The following BMAL2 variants were observed in gnomAD, a reference collection of about 807,000 sequenced individuals.
BMAL2 encodes the protein basic helix-loop-helix ARNT like 2.
chr12:27,402,604 T>A, the BMAL2 span: 12 of 1,602,584 alleles, frequency 7.5e-6, no homozygotes, highest in African/African-American at 1.3e-5. Context: ...TCACCTATGG[T>A]GTTTTTAATT....
At chr12:27,412,850 A>G in the BMAL2 span, among the ~76,000 whole-genome samples, 1 of 152,198 alleles carries the variant, frequency 6.6e-6, no homozygotes, top group African/African-American at 2.4e-5. Context: ...TCAAATTCTC[A>G]AAAGTCAAAG....
chr12:27,333,280 C>T, the BMAL2 span: 5 of 618,010 alleles, frequency 8.1e-6, no homozygotes, highest in South Asian at 8.2e-5. Flanking sequence ...CCCCGTGGGG[C>T]ACAGGTGCGG....
the BMAL2 span, chr12:27,416,098 G>A: frequency 1.7e-6 from 1 of 589,820 alleles, no homozygotes; most frequent in African/African-American, 1.9e-5. Context: ...TGGCGTTGTG[G>A]AATAGTAGTT....
chr12:27,405,348 C>T, the BMAL2 span, among the ~76,000 whole-genome samples: 17 of 152,240 alleles, frequency 1.1e-4, no homozygotes, highest in Non-Finnish European at 2.2e-4. Flanking sequence ...AGGCACCCCC[C>T]AGTAGGGGAA....
At chr12:27,412,340 A>G in the BMAL2 span, among the ~76,000 whole-genome samples, 1 of 152,190 alleles carries the variant, frequency 6.6e-6, no homozygotes, top group Non-Finnish European at 1.5e-5. Context: ...CAATTGAGAG[A>G]GGAATTGAGT....
the BMAL2 span, among the ~76,000 whole-genome samples, chr12:27,369,302 G>C: frequency 3.3e-5 from 5 of 151,702 alleles, no homozygotes; most frequent in Non-Finnish European, 5.9e-5. Context: ...TTTTTGGTGG[G>C]GGGGGTGGTA....
At chr12:27,338,365 A>T in the BMAL2 span, among the ~76,000 whole-genome samples, 2 of 152,092 alleles carry the variant, frequency 1.3e-5, no homozygotes, top group Non-Finnish European at 2.9e-5. Context: ...CCTCCCCCAC[A>T]GTTGGGAGAA....
At chr12:27,376,290 A>G in the BMAL2 span, 1 of 1,455,660 alleles carries the variant, frequency 6.9e-7, no homozygotes, top group Non-Finnish European at 9.6e-7. Context: ...TTCTCTATCA[A>G]GAACTACAGA....
At chr12:27,405,052 G>C in the BMAL2 span, among the ~76,000 whole-genome samples, 5 of 152,200 alleles carry the variant, frequency 3.3e-5, no homozygotes, top group African/African-American at 1.2e-4. Flanking sequence ...GGCTGGGGGA[G>C]GGGTGCCCAC....
the BMAL2 span, among the ~76,000 whole-genome samples, chr12:27,378,182 A>G: frequency 6.6e-6 from 1 of 152,168 alleles, no homozygotes; most frequent in African/African-American, 2.4e-5. Context: ...TTTCTCCTCT[A>G]CGTTTTATCT....
chr12:27,384,141 C>T, the BMAL2 span, among the ~76,000 whole-genome samples: 1 of 152,156 alleles, frequency 6.6e-6, no homozygotes, highest in African/African-American at 2.4e-5. Flanking sequence ...ATCATCCTTG[C>T]CCTGGGGATG....
the BMAL2 span, among the ~76,000 whole-genome samples, chr12:27,408,131 C>T: frequency 6.6e-6 from 1 of 152,050 alleles, no homozygotes; most frequent in Non-Finnish European, 1.5e-5. Context: ...AGTCCAGGAC[C>T]AGATGGATTC....
chr12:27,418,977 T>TGA, the BMAL2 span, among the ~76,000 whole-genome samples: 2 of 147,556 alleles, frequency 1.4e-5, no homozygotes, highest in Admixed American at 6.7e-5. Context: ...AGACTCCATC[T>TGA]AAAAAAAAAA....
the BMAL2 span, among the ~76,000 whole-genome samples, chr12:27,362,570 C>G: frequency 1.3e-5 from 2 of 152,030 alleles, no homozygotes; most frequent in African/African-American, 4.8e-5. Context: ...GTCACACCCC[C>G]CTTTCTTTTC....
At chr12:27,345,374 T>A in the BMAL2 span, among the ~76,000 whole-genome samples, 28 of 152,380 alleles carry the variant, frequency 1.8e-4, no homozygotes, top group South Asian at 4.3e-3. Context: ...CTGTTTTTTT[T>A]ATTTTCTTTT....
chr12:27,365,866 T>G, the BMAL2 span, among the ~76,000 whole-genome samples: 1 of 151,852 alleles, frequency 6.6e-6, no homozygotes, highest in African/African-American at 2.4e-5. Context: ...GGTCTTATGA[T>G]TTTCTTTCTT....
At chr12:27,418,280 TGTAGAGAA>T in the BMAL2 span, 1 of 913,800 alleles carries the variant, frequency 1.1e-6, no homozygotes, top group Non-Finnish European at 1.7e-6. Flanking sequence ...ACAGGAAATT[TGTAGAGAA>T]GCAGATAGTT....
chr12:27,381,061 A>G, the BMAL2 span, among the ~76,000 whole-genome samples: 2 of 152,162 alleles, frequency 1.3e-5, no homozygotes, highest in African/African-American at 4.8e-5. Flanking sequence ...AACTTCCTTA[A>G]ACTCTGCAGT....
At chr12:27,347,305 G>T in the BMAL2 span, among the ~76,000 whole-genome samples, 2 of 152,242 alleles carry the variant, frequency 1.3e-5, no homozygotes, top group East Asian at 3.9e-4. Flanking sequence ...TCACTAATAT[G>T]CATAAATGAT....
Sources: gnomAD v4.1 joint callset for allele counts (sites outside exome capture counted in the v4.1 genomes callset) on GRCh38, gnomAD v4.1.1 for gene constraint, MANE v1.5 for transcripts, NCBI Gene and HGNC (gene_info 2026-07-23, HGNC 2026-07-21) for gene names.